Variants in PHTF2 observed in about 807,000 individuals in gnomAD.
PHTF2 encodes the protein putative homeodomain transcription factor 2.
In PHTF2, 60 loss-of-function variants were observed where a neutral mutation model predicts 101.2. The ratio of observed to expected loss-of-function variants is 0.59; its 90% confidence interval spans 0.48 to 0.73. The LOEUF (loss-of-function observed/expected upper bound fraction) is 0.73, where lower values mean the gene tolerates loss of function less well. Ranked by LOEUF, PHTF2 falls within the 30% of genes least tolerant of loss-of-function variation. The pLI is 0.00. For synonymous variants in PHTF2, 311 were observed against 307.3 expected (o/e 1.01, Z -0.13); for missense variants, 747 against 908.7 (o/e 0.82, Z 2.29).
At chr7:77,866,184 CAA>C (rs35744441) in intron 3 of PHTF2, among the ~76,000 whole-genome samples, 25 of 82,378 alleles carry the variant, frequency 3.0e-4, no homozygotes, top group Middle Eastern at 7.1e-3. Context: ...ACTACCTCTC[CAA>C]AAAAAAAAAA....
At chr7:77,935,214 CTTTTTTTTTTTTTT>C (rs1158677069) in intron 12 of PHTF2, among the ~76,000 whole-genome samples, 2 of 59,280 alleles carry the variant, frequency 3.4e-5, no homozygotes, top group African/African-American at 5.6e-5. Flanking sequence ...GTAATTTACC[CTTTTTTTTTTTTTT>C]TTTTTTTTTT....
At chr7:77,939,801 C>T (rs1344022163) in intron 13 of PHTF2, among the ~76,000 whole-genome samples, 1 of 151,710 alleles carries the variant, frequency 6.6e-6, no homozygotes, top group Non-Finnish European at 1.5e-5. Flanking sequence ...GATGACAGTC[C>T]TTTTGCCATC....
At chr7:77,929,708 A>G (rs1804385600) in intron 12 of PHTF2, among the ~76,000 whole-genome samples, 1 of 152,178 alleles carries the variant, frequency 6.6e-6, no homozygotes, top group African/African-American at 2.4e-5. Flanking sequence ...GCCCATAGTA[A>G]TGCTATCCAA....
chr7:77,860,780 C>T (rs916991843), intron 3 of PHTF2, among the ~76,000 whole-genome samples: 2 of 152,066 alleles, frequency 1.3e-5, no homozygotes, highest in African/African-American at 2.4e-5. Flanking sequence ...GGCACAATCA[C>T]GGTTCACTGC....
At chr7:77,846,902 C>G (rs1165528479) in intron 2 of PHTF2, among the ~76,000 whole-genome samples, 1 of 152,068 alleles carries the variant, frequency 6.6e-6, no homozygotes, top group East Asian at 1.9e-4. Flanking sequence ...CTCAGCCTCC[C>G]AAAGTGTCGA....
chr7:77,923,581 G>A (rs1803681696), intron 11 of PHTF2: 1 of 985,350 alleles, frequency 1.0e-6, no homozygotes, highest in Non-Finnish European at 1.2e-6. Flanking sequence ...TGGTGATTGT[G>A]GTTTTGTTTC....
chr7:77,882,873 T>G (rs1257079791), intron 3 of PHTF2, among the ~76,000 whole-genome samples: 1 of 152,156 alleles, frequency 6.6e-6, no homozygotes, highest in Non-Finnish European at 1.5e-5. Context: ...CCTCATTTGA[T>G]CCTCATCATT....
chr7:77,856,589 C>G (rs763178245), intron 3 of PHTF2, among the ~76,000 whole-genome samples: 2 of 152,032 alleles, frequency 1.3e-5, no homozygotes, highest in Non-Finnish European at 2.9e-5. Flanking sequence ...CTCCTAGGCT[C>G]GAAGTCCTGG....
intron 18 of PHTF2, among the ~76,000 whole-genome samples, chr7:77,952,863 C>T (rs1806671521): frequency 1.3e-5 from 2 of 152,196 alleles, no homozygotes; most frequent in South Asian, 4.1e-4. Flanking sequence ...ATTCTCAAGT[C>T]CGCTGATTCA....
chr7:77,827,927 A>C (rs557304367), intron 1 of PHTF2, among the ~76,000 whole-genome samples: 2 of 152,338 alleles, frequency 1.3e-5, no homozygotes, highest in South Asian at 4.1e-4. Context: ...TACAGGTGCG[A>C]GCCACGGAGC....
chr7:77,886,444 C>T (rs1198091738), intron 3 of PHTF2, among the ~76,000 whole-genome samples: 1 of 152,226 alleles, frequency 6.6e-6, no homozygotes, highest in East Asian at 1.9e-4. Context: ...ACCAATCCTC[C>T]CGTTTCTTTA....
intron 1 of PHTF2, among the ~76,000 whole-genome samples, chr7:77,835,044 G>A (rs1461109121): frequency 1.3e-5 from 2 of 152,056 alleles, no homozygotes; most frequent in African/African-American, 4.8e-5. Flanking sequence ...AGGCCGAGGC[G>A]GGCGGATCAC....
At position 77,925,514 on chromosome 7, in the gene PHTF2, T is replaced by G. The variant is rs1176954340; in HGVS notation, c.1119+2736T>G. Reference sequence around the variant, plus strand: ...TTTAGGGTTTTTTTTTTTTTTTTTTTTTTTTTTTTTTTGAGACAGAGTTTC... The same window carrying G: ...TTTAGGGTTTTTTTTTTTTTTTTTTGTTTTTTTTTTTTGAGACAGAGTTTC... On this transcript the variant is annotated intron_variant, in intron 11 of 19. Coordinates refer to ENST00000416283, the Ensembl canonical transcript of PHTF2. Among the ~76,000 whole-genome samples the G allele has an allele frequency of 2.2e-5, 3 of 136,640 alleles. No homozygotes were observed. In the East Asian group the frequency reaches 6.2e-4, roughly 28 times the overall value. 89.6% of individuals were successfully genotyped at this position (136,640 alleles called of 152,430 possible). A position where few individuals can be genotyped will look rare whatever the true frequency, so the allele number is the denominator to read the frequency against.
At chr7:77,916,558 AAAAAC>A (rs1281373121) in intron 9 of PHTF2, among the ~76,000 whole-genome samples, 6 of 152,062 alleles carry the variant, frequency 3.9e-5, no homozygotes, top group Non-Finnish European at 7.4e-5. Flanking sequence ...TGTCTCTCTT[AAAAAC>A]AAAACAAAAC....
At chr7:77,868,021 T>G (rs1366485272) in intron 3 of PHTF2, among the ~76,000 whole-genome samples, 2 of 152,220 alleles carry the variant, frequency 1.3e-5, no homozygotes, top group African/African-American at 4.8e-5. Flanking sequence ...AATATACCCA[T>G]TAATGTTAAG....
At chr7:77,827,255 T>G (rs1794754803) in intron 1 of PHTF2, among the ~76,000 whole-genome samples, 1 of 152,336 alleles carries the variant, frequency 6.6e-6, no homozygotes, top group African/African-American at 2.4e-5. Flanking sequence ...TTTTAAGACC[T>G]AAATAACTCG....
rs116196645 is a variant in PHTF2, at chr7:77,898,064, T to C, written c.217-2647T>C. Among the ~76,000 whole-genome samples, 1,326 of 151,880 alleles carry C rather than the reference T, an allele frequency of 8.7e-3. 21 individuals carry two copies. The highest frequency in any genetic ancestry group is 0.03 in the African/African-American group (1,245 of 41,432). On this transcript the variant is annotated intron_variant, in intron 5 of 19. Coordinates refer to ENST00000416283, the Ensembl canonical transcript of PHTF2. ...GAGGGAAAATTTTATTGAAACTGGC[T>C]ATTAGGGTGTGGCTCTACAATATAG...
intron 11 of PHTF2, 24 bp downstream of exon 10, chr7:77,922,802 A>G (rs377657190): frequency 5.2e-5 from 75 of 1,451,104 alleles, no homozygotes; most frequent in Non-Finnish European, 7.1e-5. Flanking sequence ...CCTTAAGTGT[A>G]TACATACGTA....
intron 10 of PHTF2, among the ~76,000 whole-genome samples, chr7:77,922,253 C>G (rs1803549210): frequency 6.6e-6 from 1 of 151,982 alleles, no homozygotes. Flanking sequence ...TCTCGAACCC[C>G]TGGCCTCAAA....
Sources: allele counts gnomAD v4.1 joint callset (sites outside exome capture counted in the v4.1 genomes callset), GRCh38; gene constraint gnomAD v4.1.1; transcripts MANE v1.5; gene names NCBI Gene and HGNC (gene_info 2026-07-23, HGNC 2026-07-21).